Variants in FLT4 observed in about 807,000 individuals in gnomAD.
FLT4 encodes the protein fms related receptor tyrosine kinase 4.
Under a neutral mutation model 163.2 loss-of-function variants are expected in FLT4, and 30 were observed. That is an observed-to-expected ratio of 0.18 (90% CI 0.14 to 0.25). The LOEUF (loss-of-function observed/expected upper bound fraction) is 0.25, where lower values mean the gene tolerates loss of function less well. FLT4 is among the 10% of genes least tolerant of loss of function. The pLI, the probability that FLT4 is intolerant of heterozygous loss-of-function variation, is 1.00. For synonymous variants in FLT4, 884 were observed against 789.5 expected, an observed-to-expected ratio of 1.12 and a Z score of -2.01; for missense variants, 1,510 against 1,863.8, an observed-to-expected ratio of 0.81 and a Z score of 3.50.
At chr5:180,645,239 C>T (rs73812646) in intron 1 of FLT4, among the ~76,000 whole-genome samples, 1,911 of 152,348 alleles carry the variant, frequency 0.013, 44 homozygotes, top group African/African-American at 0.044. Context: ...TTGAGAAGGG[C>T]TGGACCTGCG....
intron 1 of FLT4, among the ~76,000 whole-genome samples, chr5:180,638,271 G>A (rs1182233922): frequency 6.6e-6 from 1 of 152,156 alleles, no homozygotes; most frequent in African/African-American, 2.4e-5. Flanking sequence ...CTACGTTTCC[G>A]ATGCTAAACT....
chr5:180,613,697 C>G, intron 24 of FLT4: 1 of 383,056 alleles, frequency 2.6e-6, no homozygotes. Flanking sequence ...CTACCCTGGC[C>G]TGGAGACTTC....
intron 23 of FLT4, 140 bp from the exon 24 acceptor site, chr5:180,614,319 G>GGGAGACGGAGGGAA (rs1561702619): frequency 9.8e-6 from 6 of 610,102 alleles, no homozygotes; most frequent in Non-Finnish European, 1.5e-5. Context: ...GTGGTGGATG[G>GGGAGACGGAGGGAA]GAAGAGAGGG....
intron 1 of FLT4, among the ~76,000 whole-genome samples, chr5:180,647,132 G>A (rs946048388): frequency 3.3e-5 from 5 of 152,210 alleles, no homozygotes; most frequent in African/African-American, 1.2e-4. Context: ...GGCCACTCCA[G>A]ATGCCCAGCA....
rs1345233435 is a variant in FLT4 at position 180,629,949 on chromosome 5, T to C, written c.670A>G (p.Ile224Val). 3 of 1,612,724 alleles carry C rather than the reference T, an allele frequency of 1.9e-6. No individual in the cohort carries two copies. The highest frequency in any genetic ancestry group is 2.2e-5 in the East Asian group (1 of 44,892). The change falls in exon 5 of 30, where the codon ATC (isoleucine) becomes GTC (valine). Residue 224 changes from isoleucine to valine, a missense_variant. Physicochemically the swap from Ile to Val is conservative, Grantham distance 29. Transcript: ENST00000261937. ...DFLSNPFLVH[I>V]TGNELYDIQL... ...CGGGGCACAGCCCTGTTACCTGTGA[T>C]GTGCACCAGGAAGGGGTTGGAAAGG...
At chr5:180,618,686 G>A (rs546768472) in intron 21 of FLT4, 84 bp downstream of exon 21, 1 of 1,472,584 alleles carries the variant, frequency 6.8e-7, no homozygotes, top group Admixed American at 2.2e-5. Flanking sequence ...AGCCCCCGCT[G>A]AGGACCCCAG....
Position 180,619,282 on chromosome 5 carries a change from T to G in FLT4, c.2732A>C (p.Asn911Thr). 2 of 1,609,778 alleles carry G rather than the reference T, an allele frequency of 1.2e-6. No individual in the cohort carries two copies. Among genetic ancestry groups the G allele is most frequent in the Non-Finnish European group, 1.7e-6 (2 of 1,178,906 alleles). ...CGGCTTGGTGCACGCCCCGAGGAGG[T>G]TGACCACGTTGAGGTGGTTGCCGAT... is the stretch of plus-strand genomic sequence containing the variant. ...IHIGNHLNVV[N>T]LLGACTKPQG... is the part of the protein sequence containing the mutation. Residue 911 changes from asparagine to threonine, a missense_variant, in exon 19 of 30, where the codon AAC (asparagine) becomes ACC (threonine). Asn to Thr is a moderately conservative substitution (Grantham distance 65). Coordinates refer to ENST00000261937, the MANE Select transcript of FLT4 (RefSeq NM_182925.5).
In FLT4 at chr5:180,608,901, C is replaced by T. The variant is rs568337520; in HGVS notation, c.3893+67G>A. 66 of 1,373,976 alleles carry T rather than the reference C, an allele frequency of 4.8e-5. No homozygotes were observed. In the East Asian group the frequency reaches 1.4e-3, roughly 29 times the overall value. 85.1% of individuals were successfully genotyped at this position (1,373,976 alleles called of 1,614,324 possible). On this transcript the variant is annotated intron_variant, in intron 29 of 29. Coordinates refer to ENST00000261937, the MANE Select transcript of FLT4 (RefSeq NM_182925.5). The stretch of plus-strand genomic sequence containing the variant: ...AAGAGGGCTGGGCACACCCAGACCC[C>T]AGCCTCCCTCCTCCAGGGGAGGGCA...
At chr5:180,611,141 C>G (rs964558467) in intron 27 of FLT4, among the ~76,000 whole-genome samples, 190 bp downstream of exon 27, 2 of 152,188 alleles carry the variant, frequency 1.3e-5, no homozygotes, top group African/African-American at 2.4e-5. Context: ...AAAACAAGCA[C>G]GCAGCCAGGC....
rs1021827251 is a variant in FLT4 at position 180,603,288 on chromosome 5, A to G, written c.3996T>C (p.Phe1332=). The part of the protein sequence containing the change: ...PERGARGGQV[F]YNSEYGELSE... The stretch of plus-strand genomic sequence containing the variant: ...ACAGCTCCCCATACTCGCTGTTGTA[A>G]AACACCTGGCCTCCTCGGGCCCCCC... The change falls in exon 30 of 30, where the codon TTT becomes TTC. Residue 1332 remains phenylalanine, a synonymous_variant. Coordinates refer to ENST00000261937, the MANE Select transcript of FLT4 (RefSeq NM_182925.5). 1 of 1,614,018 alleles carries G rather than the reference A, an allele frequency of 6.2e-7. No individual in the cohort carries two copies.
chr5:180,605,655 C>G (rs1761743240), intron 29 of FLT4, among the ~76,000 whole-genome samples: 3 of 152,210 alleles, frequency 2.0e-5, no homozygotes, highest in South Asian at 4.1e-4. Flanking sequence ...TCTTTGGCAT[C>G]TCAAGTTCCT....
chr5:180,640,051 C>T (rs539859645), intron 1 of FLT4, among the ~76,000 whole-genome samples: 9 of 152,334 alleles, frequency 5.9e-5, no homozygotes, highest in Non-Finnish European at 8.8e-5. Flanking sequence ...CCTCCGTCCT[C>T]GGGCCACGGG....
intron 1 of FLT4, among the ~76,000 whole-genome samples, chr5:180,639,639 ACT>A (rs1764952821): frequency 6.6e-6 from 1 of 152,048 alleles, no homozygotes; most frequent in Non-Finnish European, 1.5e-5. Context: ...AACCTCAGAG[ACT>A]CTTGTCAGAC....
intron 29 of FLT4, among the ~76,000 whole-genome samples, chr5:180,604,686 T>C (rs570626814): frequency 6.1e-4 from 93 of 152,362 alleles, no homozygotes; most frequent in African/African-American, 2.2e-3. Context: ...CTTTGCATTT[T>C]TTGAAGATGT....
chr5:180,624,230 T>TG, intron 10 of FLT4, among the ~76,000 whole-genome samples, 169 bp from the exon 11 acceptor site: 1 of 149,974 alleles, frequency 6.7e-6, no homozygotes, highest in East Asian at 1.9e-4. Context: ...CTTTGGTGTT[T>TG]TTTTTTTTTT....
At position 180,616,398 on chromosome 5, in the gene FLT4, T is replaced by C. The variant is rs1212477595; in HGVS notation, c.3188A>G (p.Tyr1063Cys). The part of the protein sequence containing the change: ...ICDFGLARDI[Y>C]KDPDYVRKGS... ...CTTGCGGACGTAGTCGGGGTCTTTG[T>C]AGATGTCCCGGGCAAGGCCAAAGTC... Residue 1063 changes from tyrosine (Y) to cysteine (C), a missense_variant, in exon 23 of 30, where the codon TAC (tyrosine) becomes TGC (cysteine). Tyr to Cys is a radical substitution (Grantham distance 194). Coordinates refer to ENST00000261937, the MANE Select transcript of FLT4 (RefSeq NM_182925.5). 1.2e-6 allele frequency: 2 copies of C among 1,613,894 alleles called. No individual in the cohort carries two copies. The highest frequency in any genetic ancestry group is 1.7e-5 in the Admixed American group (1 of 59,998).
chr5:180,639,967 A>G (rs1764978445), intron 1 of FLT4, among the ~76,000 whole-genome samples: 1 of 152,172 alleles, frequency 6.6e-6, no homozygotes, highest in Non-Finnish European at 1.5e-5. Flanking sequence ...TGGTTGGGGC[A>G]GGCACCGGGT....
intron 29 of FLT4, among the ~76,000 whole-genome samples, chr5:180,606,058 C>A (rs568445345): frequency 6.6e-6 from 1 of 152,222 alleles, no homozygotes; most frequent in Non-Finnish European, 1.5e-5. Flanking sequence ...ATTCTGTATG[C>A]CAAGCGGATG....
Position 180,606,418 on chromosome 5 carries a change from G to A in FLT4, c.3893+2550C>T, listed in dbSNP as rs529135171. 5.5e-3 allele frequency among the ~76,000 whole-genome samples: 842 copies of A among 152,256 alleles called. 5 individuals carry two copies. Among genetic ancestry groups the A allele is most frequent in the Non-Finnish European group, 7.2e-3 (493 of 68,022 alleles). On this transcript the variant is annotated intron_variant, in intron 29 of 29. Coordinates refer to ENST00000261937, the MANE Select transcript of FLT4 (RefSeq NM_182925.5). ...GTGTTGCCACATCCCCAAGGACCTC[G>A]TCACACTCTCCTCTCACGGGACGGC... is the stretch of plus-strand genomic sequence containing the variant.
Sources: gnomAD v4.1 joint callset for allele counts (sites outside exome capture counted in the v4.1 genomes callset) on GRCh38, gnomAD v4.1.1 for gene constraint, MANE v1.5 for transcripts, NCBI Gene and HGNC (gene_info 2026-07-23, HGNC 2026-07-21) for gene names.